Variants in PDSS2 observed in about 807,000 individuals in gnomAD.
PDSS2 encodes the protein decaprenyl diphosphate synthase subunit 2.
In PDSS2, 31 loss-of-function variants were observed where a neutral mutation model predicts 44.5. The ratio of observed to expected loss-of-function variants is 0.70; its 90% CI spans 0.52 to 0.94. PDSS2 has a LOEUF of 0.94. PDSS2 is among the 40% of genes least tolerant of loss of function. The pLI, the probability that PDSS2 is intolerant of heterozygous loss-of-function variation, is 0.00. For missense variants in PDSS2, 452 were observed against 482.2 expected (o/e 0.94, Z 0.59); for synonymous variants, 157 against 180.3 (o/e 0.87, Z 1.03).
At chr6:107,164,249 G>A (rs1348387448) in intron 7 of PDSS2, among the ~76,000 whole-genome samples, 1 of 152,044 alleles carries the variant, frequency 6.6e-6, no homozygotes, top group Non-Finnish European at 1.5e-5. Context: ...CATGTGCCAT[G>A]TTGGTGTGCT....
intron 3 of PDSS2, among the ~76,000 whole-genome samples, chr6:107,269,355 T>TGTGG (rs1372803563): frequency 2.0e-5 from 3 of 151,574 alleles, no homozygotes; most frequent in African/African-American, 7.3e-5. Flanking sequence ...TGTGTGTGTG[T>TGTGG]GTGTGTGTGT....
intron 1 of PDSS2, among the ~76,000 whole-genome samples, chr6:107,403,747 G>A (rs886917387): frequency 6.6e-6 from 1 of 152,188 alleles, no homozygotes; most frequent in Non-Finnish European, 1.5e-5. Flanking sequence ...GAGCGGCTGG[G>A]ATGCAGGGCA....
intron 2 of PDSS2, among the ~76,000 whole-genome samples, chr6:107,274,485 C>T (rs755229522): frequency 6.6e-6 from 1 of 152,118 alleles, no homozygotes; most frequent in Non-Finnish European, 1.5e-5. Flanking sequence ...CAGAAGTTGA[C>T]CAGTGGAGGG....
intron 6 of PDSS2, among the ~76,000 whole-genome samples, chr6:107,210,087 G>A (rs1235522404): frequency 2.6e-5 from 4 of 152,062 alleles, no homozygotes; most frequent in Admixed American, 6.6e-5. Flanking sequence ...TTGTGCGAGA[G>A]TCCACAGATG....
At chr6:107,154,897 T>G in intron 7 of PDSS2, 120 bp from the exon 8 acceptor site, 1 of 870,502 alleles carries the variant, frequency 1.1e-6, no homozygotes, top group East Asian at 2.6e-5. Context: ...GATTGAGTAT[T>G]TCTGCTACGT....
intron 1 of PDSS2, among the ~76,000 whole-genome samples, chr6:107,407,064 T>C (rs1026758847): frequency 3.3e-5 from 5 of 152,080 alleles, no homozygotes; most frequent in Admixed American, 1.3e-4. Context: ...CATCAAGAGA[T>C]GAACAGATAA....
chr6:107,252,082 G>GT (rs1774839655), intron 3 of PDSS2, among the ~76,000 whole-genome samples: 1 of 152,172 alleles, frequency 6.6e-6, no homozygotes, highest in Non-Finnish European at 1.5e-5. Flanking sequence ...AACGACTTCT[G>GT]AAGAACACAG....
intron 7 of PDSS2, among the ~76,000 whole-genome samples, chr6:107,185,868 A>G (rs1406545551): frequency 6.6e-6 from 1 of 152,178 alleles, no homozygotes; most frequent in Non-Finnish European, 1.5e-5. Flanking sequence ...TGAGATGTGC[A>G]CCTAGGGCTG....
In PDSS2 at chr6:107,192,174, C is replaced by A. The variant is rs1056445140; in HGVS notation, c.1041+1648G>T. 3.4e-5 allele frequency: 6 copies of A among 175,972 alleles called. No individual in the cohort carries two copies. In the Admixed American group the frequency reaches 3.7e-4, roughly 11 times the overall value. The allele number at this position is 175,972 out of a possible 1,614,324, so 10.9% of individuals were successfully genotyped here. On this transcript the variant is annotated intron_variant, in intron 7 of 7. Coordinates refer to ENST00000369037, the MANE Select transcript of PDSS2 (RefSeq NM_020381.4). Reference sequence around the variant, plus strand: ...CCCAAGAGGGTAAGTCCACAGCCTGCGTTTGGGTATATGATGAGGCTCAAG... The same window carrying A: ...CCCAAGAGGGTAAGTCCACAGCCTGAGTTTGGGTATATGATGAGGCTCAAG...
At chr6:107,309,516 G>C (rs893631765) in intron 2 of PDSS2, among the ~76,000 whole-genome samples, 4 of 152,112 alleles carry the variant, frequency 2.6e-5, no homozygotes, top group African/African-American at 9.7e-5. Context: ...TCCTTCCATT[G>C]CACAGGTCTT....
chr6:107,228,048 C>T (rs1473046000), intron 4 of PDSS2, among the ~76,000 whole-genome samples: 1 of 152,204 alleles, frequency 6.6e-6, no homozygotes, highest in African/African-American at 2.4e-5. Flanking sequence ...AAACACTTTA[C>T]ATGCCTAATA....
intron 1 of PDSS2, among the ~76,000 whole-genome samples, chr6:107,350,804 C>G (rs1335795946): frequency 1.3e-5 from 2 of 151,292 alleles, no homozygotes; most frequent in Non-Finnish European, 2.9e-5. Flanking sequence ...GAGCAGGACC[C>G]TGTCTCAAAA....
intron 3 of PDSS2, among the ~76,000 whole-genome samples, chr6:107,261,688 C>T (rs1775233604): frequency 1.3e-5 from 2 of 151,124 alleles, no homozygotes; most frequent in Non-Finnish European, 2.9e-5. Context: ...AGCAATTCTC[C>T]TGCCTCCGCC....
At chr6:107,345,498 T>C (rs1483523757) in intron 1 of PDSS2, among the ~76,000 whole-genome samples, 1 of 151,688 alleles carries the variant, frequency 6.6e-6, no homozygotes, top group Non-Finnish European at 1.5e-5. Context: ...AGATGATTGT[T>C]CAACTGACAA....
intron 6 of PDSS2, among the ~76,000 whole-genome samples, chr6:107,208,401 A>T (rs1228369321): frequency 1.4e-5 from 2 of 138,760 alleles, no homozygotes; most frequent in African/African-American, 5.4e-5. Flanking sequence ...GGTTCAAGTG[A>T]TTCTTGTGCC....
chr6:107,186,600 TCCTTTCGCGC>T (rs1772174623), intron 7 of PDSS2, among the ~76,000 whole-genome samples: 1 of 152,118 alleles, frequency 6.6e-6, no homozygotes. Context: ...CTAAGTTCCC[TCCTTTCGCGC>T]CCCCCTACCC....
intron 6 of PDSS2, among the ~76,000 whole-genome samples, chr6:107,206,524 T>C (rs1005250542): frequency 6.6e-6 from 1 of 152,206 alleles, no homozygotes; most frequent in East Asian, 1.9e-4. Context: ...TATGAGAGAA[T>C]GTGATTAAGT....
chr6:107,324,257 T>C (rs1053260168), intron 2 of PDSS2, among the ~76,000 whole-genome samples: 4 of 152,212 alleles, frequency 2.6e-5, no homozygotes, highest in African/African-American at 9.6e-5. Context: ...AATAGGAATA[T>C]GTAATCAAAT....
chr6:107,274,096 G>A lies in PDSS2; in HGVS notation c.563C>T (p.Ala188Val). 6.2e-7 allele frequency: 1 copy of A among 1,613,906 alleles called. No homozygotes were observed. Among genetic ancestry groups the A allele is most frequent in the Non-Finnish European group, 8.5e-7 (1 of 1,179,812 alleles). Residue 188 changes from alanine (A) to valine (V), a missense_variant, in exon 3 of 8, where the codon GCT (alanine) becomes GTT (valine). Ala to Val is a moderately conservative substitution (Grantham distance 64). Coordinates refer to ENST00000369037, the MANE Select transcript of PDSS2 (RefSeq NM_020381.4). Reference sequence around the variant, plus strand: ...TAGAAGAAAGTCTCCACTCAGGATAGCAATTTTATTTCCAAATTGCATGTC... The same window carrying A: ...TAGAAGAAAGTCTCCACTCAGGATAACAATTTTATTTCCAAATTGCATGTC... ...LKDMQFGNKI[A>V]ILSGDFLLAN...
Sources: allele counts gnomAD v4.1 joint callset (sites outside exome capture counted in the v4.1 genomes callset), GRCh38; gene constraint gnomAD v4.1.1; transcripts MANE v1.5; gene names NCBI Gene and HGNC (gene_info 2026-07-23, HGNC 2026-07-21).